The following NFATC4 variants were observed in gnomAD, a reference collection of about 807,000 sequenced individuals.
NFATC4 encodes the protein nuclear factor of activated T-cells, cytoplasmic 4.
A neutral mutation model predicts 73.4 loss-of-function variants in NFATC4; 25 were observed. The ratio of observed to expected loss-of-function variants is 0.34; its 90% CI spans 0.25 to 0.48. The LOEUF is 0.48. Ranked by LOEUF, NFATC4 falls within the 20% of genes least tolerant of loss-of-function variation. The pLI is 0.99. For synonymous variants in NFATC4, 523 were observed against 510.3 expected, an observed-to-expected ratio of 1.02 and a Z score of -0.34; for missense variants, 1,130 against 1,203.7, an observed-to-expected ratio of 0.94 and a Z score of 0.91.
chr14:24,374,413 C>G lies in NFATC4; in HGVS notation c.1820C>G (p.Thr607Ser), dbSNP rs1050666423. 1.9e-6 allele frequency: 3 copies of G among 1,614,050 alleles called. No individual in the cohort carries two copies. Among genetic ancestry groups the G allele is most frequent in the Non-Finnish European group, 2.5e-6 (3 of 1,179,976 alleles). Residue 607 changes from threonine to serine, a missense_variant, in exon 6 of 10, where the codon ACT becomes AGT. Coordinates refer to ENST00000250373, the MANE Select transcript of NFATC4 (RefSeq NM_004554.5). ...AGAGGAGGCGAGGAACTGGTACTGA[C>G]TGGCTCCAACTTCCTGCCAGACTCC... The part of the protein sequence containing the change: ...SVRGGEELVL[T>S]GSNFLPDSKV...
In NFATC4 at chr14:24,373,882, C is replaced by T. The variant is rs1471428260; in HGVS notation, c.1732+15C>T. 1 of 1,613,720 alleles carries T rather than the reference C, an allele frequency of 6.2e-7. No homozygotes were observed. Among genetic ancestry groups the T allele is most frequent in the Non-Finnish European group, 8.5e-7 (1 of 1,179,990 alleles). Reference sequence around the variant, plus strand: ...CATCGAGTGCTGTGAGCAAAGAGGCCCTGGGCCATGTCTCTGTCTCTTGCA... The same window carrying T: ...CATCGAGTGCTGTGAGCAAAGAGGCTCTGGGCCATGTCTCTGTCTCTTGCA... On this transcript the variant is annotated intron_variant, in intron 5 of 9. Transcript: ENST00000250373. The surrounding 1 kb of genome is among the most constrained non-coding windows in gnomAD (Gnocchi z 4.7).
chr14:24,372,788 C>T, intron 3 of NFATC4, 185 bp downstream of exon 3: 1 of 691,958 alleles, frequency 1.4e-6, no homozygotes, highest in East Asian at 2.7e-5. Context: ...TACTCCTGTC[C>T]TTCCACCCCC....
rs1363509068 is a variant in NFATC4, at chr14:24,368,429, G to A, written c.89G>A (p.Gly30Glu). The A allele has an allele frequency of 7.4e-7, 1 of 1,342,402 alleles. No homozygotes were observed. The highest frequency in any genetic ancestry group is 2.2e-5 in the South Asian group (1 of 45,762). The allele number at this position is 1,342,402 out of a possible 1,614,324, so 83.2% of individuals were successfully genotyped here. A position where few individuals can be genotyped will look rare whatever the true frequency, so the allele number is the denominator to read the frequency against. The change falls in exon 1 of 10, where the codon GGA (glycine) becomes GAA (glutamate). Residue 30 changes from glycine to glutamate, a missense_variant. Coordinates refer to ENST00000250373, the MANE Select transcript of NFATC4 (RefSeq NM_004554.5). ...EKEAPPLGAG[G>E]LGEELDSEDA... ...GAGGCCCCCCCGCTGGGCGCGGGGGGATTGGGGGAAGGTTAGTGCTGGGCT... is the reference window on the plus strand; with the variant it reads ...GAGGCCCCCCCGCTGGGCGCGGGGGAATTGGGGGAAGGTTAGTGCTGGGCT...
chr14:24,372,523 G>C lies in NFATC4; in HGVS notation c.1279G>C (p.Ala427Pro). 2 of 1,614,100 alleles carry C rather than the reference G, an allele frequency of 1.2e-6. No homozygotes were observed. Among genetic ancestry groups the C allele is most frequent in the Non-Finnish European group, 1.7e-6 (2 of 1,180,038 alleles). ...GCTGAGGATCGAGGTACAGCCTAGAGCCCACCACCGGGCCCACTATGAGAC... is the reference window on the plus strand; with the variant it reads ...GCTGAGGATCGAGGTACAGCCTAGACCCCACCACCGGGCCCACTATGAGAC... ...LELRIEVQPR[A>P]HHRAHYETEG... Residue 427 changes from alanine to proline, a missense_variant, in exon 3 of 10, where the codon GCC becomes CCC. Physicochemically the swap from Ala to Pro is conservative, Grantham distance 27. Around this residue, in one of 3 missense-constraint regions of NFATC4, gnomAD observed 585 missense variants for 574.3 expected, o/e 1.02. Transcript: ENST00000250373.
At chr14:24,369,290 G>T (rs115176817) in intron 1 of NFATC4, 13 of 1,560,532 alleles carry the variant, frequency 8.3e-6, no homozygotes, top group Non-Finnish European at 1.1e-5. Flanking sequence ...TAGGATCCAG[G>T]GGCCAGTGGG....
chr14:24,373,319 G>A lies in NFATC4; in HGVS notation c.1508G>A (p.Gly503Asp). Residue 503 changes from glycine to aspartate, a missense_variant, in exon 4 of 10, where the codon GGC becomes GAC. Coordinates refer to ENST00000250373, the MANE Select transcript of NFATC4 (RefSeq NM_004554.5). The surrounding 1 kb of genome is among the most constrained non-coding windows in gnomAD (Gnocchi z 4.7). ...GCCAGCTATGAAGCCGTAGTCAGTG[G>A]CACCAAGGTGTTGGAGATGACTCTG... is the stretch of plus-strand genomic sequence containing the variant. Reference protein sequence around the residue: ...ATASYEAVVSGTKVLEMTLLP... With the variant: ...ATASYEAVVSDTKVLEMTLLP... 1.2e-6 allele frequency: 2 copies of A among 1,614,246 alleles called. No individual in the cohort carries two copies. The highest frequency in any genetic ancestry group is 1.1e-5 in the South Asian group (1 of 91,082).
rs568496056 is a variant in NFATC4, at chr14:24,368,262, C to A, written c.-79C>A. The A allele has an allele frequency of 4.1e-5, 55 of 1,346,828 alleles. No individual in the cohort carries two copies. In the South Asian group the frequency reaches 1.1e-3, roughly 26 times the overall value. The allele number at this position is 1,346,828 out of a possible 1,614,324, so 83.4% of individuals were successfully genotyped here. A position where few individuals can be genotyped will look rare whatever the true frequency, so the allele number is the denominator to read the frequency against. ...TTCTCAGAGAAAGGGAGGGAGGGAGCCACCCGGGTGAAGATACAGCAGCCT... is the reference window on the plus strand; with the variant it reads ...TTCTCAGAGAAAGGGAGGGAGGGAGACACCCGGGTGAAGATACAGCAGCCT... On this transcript the variant is annotated 5_prime_UTR_variant, in exon 1 of 10. Transcript: ENST00000250373.
chr14:24,367,784 TAC>T (rs1286816937), upstream of NFATC4: 1 of 1,346,222 alleles, frequency 7.4e-7, no homozygotes, highest in African/African-American at 1.5e-5. Flanking sequence ...AGGTGCTATC[TAC>T]ACAGTCTTCA....
At chr14:24,367,404 G>T (rs1371728567), upstream of NFATC4, 5 of 1,535,550 alleles carry the variant, frequency 3.3e-6, no homozygotes, top group East Asian at 9.8e-5. Context: ...CCAACTTCCC[G>T]TGGAGGCTAA....
upstream of NFATC4, chr14:24,367,776 G>A (rs1416140314): frequency 1.5e-6 from 2 of 1,369,258 alleles, no homozygotes; most frequent in Non-Finnish European, 9.6e-7. Context: ...GCCTTGCTAG[G>A]TGCTATCTAC....
chr14:24,375,521 G>C, intron 6 of NFATC4, 139 bp from the exon 7 acceptor site: 1 of 769,808 alleles, frequency 1.3e-6, no homozygotes, highest in Non-Finnish European at 2.2e-6. Context: ...TTAACATGCA[G>C]TGGGCTCCTC....
intron 2 of NFATC4, 172 bp from the exon 3 acceptor site, chr14:24,372,269 A>AGTTTAAAAAAAATTCTTTTTTCC (rs1229661646): frequency 7.4e-6 from 5 of 672,554 alleles, no homozygotes; most frequent in African/African-American, 7.3e-5. Context: ...TCCTTTTTTT[A>AGTTTAAAAAAAATTCTTTTTTCC]GTTTAAAAAA....
At position 24,370,589 on chromosome 14, in the gene NFATC4, C is replaced by T; in HGVS notation, c.1191C>T (p.Ile397=). The change falls in exon 2 of 10, where the codon ATC becomes ATT. Residue 397 remains isoleucine (I), a synonymous_variant. Coordinates refer to ENST00000250373, the MANE Select transcript of NFATC4 (RefSeq NM_004554.5). ...CCCGGATTGGGGGACACAGCCCTATCTTCAGGTGAGGGTTGCGCCTGGCAC... is the reference window on the plus strand; with the variant it reads ...CCCGGATTGGGGGACACAGCCCTATTTTCAGGTGAGGGTTGCGCCTGGCAC... ...SKARIGGHSP[I]FRTSALPPLD... The T allele has an allele frequency of 6.2e-7, 1 of 1,605,598 alleles. No individual in the cohort carries two copies. The highest frequency in any genetic ancestry group is 8.5e-7 in the Non-Finnish European group (1 of 1,173,230).
chr14:24,369,344 G>C, intron 1 of NFATC4, 155 bp from the exon 2 acceptor site: 1 of 1,598,198 alleles, frequency 6.3e-7, no homozygotes, highest in Non-Finnish European at 8.5e-7. Context: ...ATCTTCCCAG[G>C]TCCAACTCTG....
Position 24,378,162 on chromosome 14 carries a change from T to G in NFATC4, c.*457T>G. 1 of 174,916 alleles carries G rather than the reference T, an allele frequency of 5.7e-6. No homozygotes were observed. Among genetic ancestry groups the G allele is most frequent in the Non-Finnish European group, 1.2e-5 (1 of 80,092 alleles). 10.8% of individuals were successfully genotyped at this position (174,916 alleles called of 1,614,324 possible). On this transcript the variant is annotated 3_prime_UTR_variant, in exon 10 of 10. Coordinates refer to ENST00000250373, the MANE Select transcript of NFATC4 (RefSeq NM_004554.5). ...AAGAGATGGAATGTGGCTGGGAACA[T>G]TGCATCCCAAAGAGCTTCTCAGTGG...
In NFATC4 at chr14:24,373,588, G is replaced by A. The variant is rs1262385801; in HGVS notation, c.1560-107G>A. ...GAAAATAGCCTCCTAGGCACTCATCGAAAGTCATTCAAGGCTTTGGATGGA... is the reference window on the plus strand; with the variant it reads ...GAAAATAGCCTCCTAGGCACTCATCAAAAGTCATTCAAGGCTTTGGATGGA... On this transcript the variant is annotated intron_variant, in intron 4 of 9. Coordinates refer to ENST00000250373, the MANE Select transcript of NFATC4 (RefSeq NM_004554.5). The surrounding 1 kb of genome is among the most constrained non-coding windows in gnomAD (Gnocchi z 4.7). 5.3e-6 allele frequency: 8 copies of A among 1,499,454 alleles called. No homozygotes were observed. The highest frequency in any genetic ancestry group is 2.3e-4 in the Middle Eastern group (1 of 4,438). 92.9% of individuals were successfully genotyped at this position (1,499,454 alleles called of 1,614,324 possible).
At position 24,375,698 on chromosome 14, in the gene NFATC4, C is replaced by G; in HGVS notation, c.1912C>G (p.Arg638Gly). 2 of 1,553,168 alleles carry G rather than the reference C, an allele frequency of 1.3e-6. No homozygotes were observed. Among genetic ancestry groups the G allele is most frequent in the Non-Finnish European group, 8.7e-7 (1 of 1,149,466 alleles). The change falls in exon 7 of 10, where the codon CGA becomes GGA. Residue 638 changes from arginine to glycine, a missense_variant. By Grantham distance (125) the Arg-to-Gly change is moderately radical. Transcript: ENST00000250373. ...ATGGGAGGAGGAGGCCACAGTGAAC[C>G]GACTGCAGAGCAACGAGGTACCAGT... ...LQWEEEATVN[R>G]LQSNEVTLTL...
chr14:24,373,903 T>C lies in NFATC4; in HGVS notation c.1732+36T>C, dbSNP rs373067097. ...AGGCCCTGGGCCATGTCTCTGTCTC[T>C]TGCAACTCTTTTGTCTGTGTGTGTG... On this transcript the variant is annotated intron_variant, in intron 5 of 9. Transcript: ENST00000250373. This position sits in a 1 kb window ranked among gnomAD's most constrained non-coding sequence, Gnocchi z 4.7. 4 of 1,612,538 alleles carry C rather than the reference T, an allele frequency of 2.5e-6. No individual in the cohort carries two copies. Among genetic ancestry groups the C allele is most frequent in the African/African-American group, 2.7e-5 (2 of 75,012 alleles).
At chr14:24,367,283 T>C, upstream of NFATC4, 1 of 1,578,170 alleles carries the variant, frequency 6.3e-7, no homozygotes, top group Non-Finnish European at 8.6e-7. Flanking sequence ...ACCCACAGGG[T>C]CCGGAGGTTT....
Sources: gnomAD v4.1 joint callset for allele counts on GRCh38, gnomAD v4.1.1 for gene constraint, gnomAD v4.1.1 regional missense constraint, Gnocchi (gnomAD v3.1) non-coding constraint, MANE v1.5 for transcripts, NCBI Gene and HGNC (gene_info 2026-07-23, HGNC 2026-07-21) for gene names.